The following TMPPE variants were observed in gnomAD, a reference collection of about 807,000 sequenced individuals.
The protein encoded by TMPPE is transmembrane protein with metallophosphoesterase domain.
Under a neutral mutation model 22.6 loss-of-function variants are expected in TMPPE, and 16 were observed. The observed-to-expected ratio is 0.71, with a 90% CI of 0.48 to 1.08. The LOEUF (loss-of-function observed/expected upper bound fraction) is 1.08, where lower values mean the gene tolerates loss of function less well. Ranked by LOEUF, TMPPE falls within the 50% of genes least tolerant of loss-of-function variation. The pLI, the probability that TMPPE is intolerant of heterozygous loss-of-function variation, is 0.00. For missense variants in TMPPE, 526 were observed against 584.3 expected (o/e 0.90, Z 1.03); for synonymous variants, 240 against 245.3 (o/e 0.98, Z 0.20).
In TMPPE at chr3:33,094,269, C is replaced by A; in HGVS notation, c.-74G>T. The A allele has an allele frequency of 6.6e-7, 1 of 1,521,428 alleles. No individual in the cohort carries two copies. 94.2% of individuals were successfully genotyped at this position (1,521,428 alleles called of 1,614,324 possible). A position where few individuals can be genotyped will look rare whatever the true frequency, so the allele number is the denominator to read the frequency against. On this transcript the variant is annotated 5_prime_UTR_variant, in exon 2 of 2. Transcript: ENST00000342462. The stretch of plus-strand genomic sequence containing the variant: ...CTGGAAATGAGTTCCTTAGAAAGGA[C>A]AGTGGCCAAGGAGAGGTTTCCAGGT...
rs1700845554 is a variant in TMPPE at position 33,093,222 on chromosome 3, T to C, written c.974A>G (p.Asp325Gly). 6.2e-7 allele frequency: 1 copy of C among 1,613,934 alleles called. No homozygotes were observed. The highest frequency in any genetic ancestry group is 1.3e-5 in the African/African-American group (1 of 74,878). Residue 325 changes from aspartate (D) to glycine (G), a missense_variant, in exon 2 of 2, where the codon GAT (aspartate) becomes GGT (glycine). By Grantham distance (94) the Asp-to-Gly change is moderately conservative. Coordinates refer to ENST00000342462, the MANE Select transcript of TMPPE (RefSeq NM_001039770.3). The surrounding 1 kb of genome is among the most constrained non-coding windows in gnomAD (Gnocchi z 6.0). ...GGGGSGSGSE[D>G]EDWICLAGVD... ...CCCAGCCAAGCAGATCCAGTCCTCA[T>C]CCTCACTCCCACTGCCACTGCCACC...
Position 33,092,511 on chromosome 3 carries a change from A to AG in TMPPE, c.*322dup, listed in dbSNP as rs895589840. ...GAGGTATGCCTTTCTAGCAACCCCG[A>AG]GGGGAGGTTCATCCCTGGGAGCTCT... On this transcript the variant is annotated 3_prime_UTR_variant, in exon 2 of 2. Transcript: ENST00000342462. The AG allele has an allele frequency of 5.4e-6, 6 of 1,102,440 alleles. No individual in the cohort carries two copies. Among genetic ancestry groups the AG allele is most frequent in the Non-Finnish European group, 6.6e-6 (6 of 903,746 alleles). 68.3% of individuals were successfully genotyped at this position (1,102,440 alleles called of 1,614,324 possible). A position where few individuals can be genotyped will look rare whatever the true frequency, so the allele number is the denominator to read the frequency against.
At position 33,096,791 on chromosome 3, in the gene TMPPE, G is replaced by A. The variant is rs1031048964; in HGVS notation, c.-181C>T. ...AGGGCGGCCGGAGCGGAACGCACAA[G>A]CGACCGAGCTGCCTGGAAGGACGCG... is the stretch of plus-strand genomic sequence containing the variant. On this transcript the variant is annotated 5_prime_UTR_variant, in exon 1 of 2. Coordinates refer to ENST00000342462, the MANE Select transcript of TMPPE (RefSeq NM_001039770.3). The A allele has an allele frequency of 1.5e-6, 2 of 1,344,158 alleles. No individual in the cohort carries two copies. Among genetic ancestry groups the A allele is most frequent in the Non-Finnish European group, 1.9e-6 (2 of 1,052,094 alleles). 83.3% of individuals were successfully genotyped at this position (1,344,158 alleles called of 1,614,324 possible). A position where few individuals can be genotyped will look rare whatever the true frequency, so the allele number is the denominator to read the frequency against.
Position 33,091,616 on chromosome 3 carries a change from GA to G in TMPPE, c.*1217del, listed in dbSNP as rs1700765882. On this transcript the variant is annotated 3_prime_UTR_variant, in exon 2 of 2. Transcript: ENST00000342462. ...GCACAAGGCTTGATGGATCCCTCCT[GA>G]CAAAACAATCTTGAGGTAGATACGA... 2 of 983,910 alleles carry G rather than the reference GA, an allele frequency of 2.0e-6. No homozygotes were observed. Among genetic ancestry groups the G allele is most frequent in the Non-Finnish European group, 2.4e-6 (2 of 828,678 alleles). The allele number at this position is 983,910 out of a possible 1,614,324, so 60.9% of individuals were successfully genotyped here.
In TMPPE at chr3:33,091,052, A is replaced by G. The variant is rs1211576175; in HGVS notation, c.*1782T>C. On this transcript the variant is annotated 3_prime_UTR_variant, in exon 2 of 2. Transcript: ENST00000342462. ...TGAGTCAAACATTACCAGCCGCATCAAACAGTGGAAGTGAAATGGCACCAT... is the reference window on the plus strand; with the variant it reads ...TGAGTCAAACATTACCAGCCGCATCGAACAGTGGAAGTGAAATGGCACCAT... The G allele has an allele frequency of 2.0e-6, 2 of 985,350 alleles. No individual in the cohort carries two copies. Among genetic ancestry groups the G allele is most frequent in the Non-Finnish European group, 2.4e-6 (2 of 829,938 alleles). 61.0% of individuals were successfully genotyped at this position (985,350 alleles called of 1,614,324 possible).
intron 1 of TMPPE, among the ~76,000 whole-genome samples, chr3:33,094,837 G>A (rs1000620624): frequency 6.6e-6 from 1 of 152,138 alleles, no homozygotes; most frequent in African/African-American, 2.4e-5. Flanking sequence ...TAAAATTTGG[G>A]GAGAAATACT....
chr3:33,093,836 G>A lies in TMPPE; in HGVS notation c.360C>T (p.Ser120=). 1 of 1,613,594 alleles carries A rather than the reference G, an allele frequency of 6.2e-7. No individual in the cohort carries two copies. Among genetic ancestry groups the A allele is most frequent in the Admixed American group, 1.7e-5 (1 of 59,916 alleles). ...EPYLFSLAAY[S]CLGAYIIMLF... ...GCATGATGATGTAAGCACCCAGGCA[G>A]GAGTAGGCCGCCAAGGAAAAGAGAT... The change falls in exon 2 of 2, where the codon TCC becomes TCT. Residue 120 remains serine (S), a synonymous_variant. Coordinates refer to ENST00000342462, the MANE Select transcript of TMPPE (RefSeq NM_001039770.3). The surrounding 1 kb of genome is among the most constrained non-coding windows in gnomAD (Gnocchi z 6.0).
Position 33,092,466 on chromosome 3 carries a change from C to T in TMPPE, c.*368G>A, listed in dbSNP as rs1372786922. The T allele has an allele frequency of 4.9e-6, 5 of 1,024,846 alleles. No homozygotes were observed. The highest frequency in any genetic ancestry group is 5.8e-6 in the Non-Finnish European group (5 of 855,468). The allele number at this position is 1,024,846 out of a possible 1,614,324, so 63.5% of individuals were successfully genotyped here. ...ACACCAGGAGAAAAATGCTCCTGCTCCTCCCCGCCCCACCTTCTAGAGGTA... is the reference window on the plus strand; with the variant it reads ...ACACCAGGAGAAAAATGCTCCTGCTTCTCCCCGCCCCACCTTCTAGAGGTA... On this transcript the variant is annotated 3_prime_UTR_variant, in exon 2 of 2. Transcript: ENST00000342462.
chr3:33,091,833 T>A lies in TMPPE; in HGVS notation c.*1001A>T. 1.0e-6 allele frequency: 1 copy of A among 985,422 alleles called. No individual in the cohort carries two copies. 61.0% of individuals were successfully genotyped at this position (985,422 alleles called of 1,614,324 possible). The stretch of plus-strand genomic sequence containing the variant: ...GCAGGAAACCAGCCCAGCCCTGTCT[T>A]CTCAGTGAGGCCTTTTCTAACACGG... On this transcript the variant is annotated 3_prime_UTR_variant, in exon 2 of 2. Transcript: ENST00000342462.
Position 33,093,593 on chromosome 3 carries a change from AG to A in TMPPE, c.602del (p.Pro201LeufsTer4). On this transcript the variant is annotated frameshift_variant, in exon 2 of 2. Transcript: ENST00000342462. LOFTEE classifies it high-confidence loss of function. This position sits in a 1 kb window ranked among gnomAD's most constrained non-coding sequence, Gnocchi z 6.0. ...KTVEVPIHQL[P>X]ASMNNLKIVL... ...CGATCTTGAGGTTGTTCATTGAGGC[AG>A]GCAGCTGATGGATGGGCACCTCCAC... 1 of 1,614,168 alleles carries A rather than the reference AG, an allele frequency of 6.2e-7. No individual in the cohort carries two copies. Among genetic ancestry groups the A allele is most frequent in the Non-Finnish European group, 8.5e-7 (1 of 1,180,010 alleles).
At position 33,092,796 on chromosome 3, in the gene TMPPE, G is replaced by A; in HGVS notation, c.*38C>T. On this transcript the variant is annotated 3_prime_UTR_variant, in exon 2 of 2. Coordinates refer to ENST00000342462, the MANE Select transcript of TMPPE (RefSeq NM_001039770.3). ...CTCTGAAGCAGGATGGAGGGTCGAGGACAAGGGCAGGGCAGAGGTGCACAG... is the reference window on the plus strand; with the variant it reads ...CTCTGAAGCAGGATGGAGGGTCGAGAACAAGGGCAGGGCAGAGGTGCACAG... The A allele has an allele frequency of 6.5e-7, 1 of 1,547,870 alleles. No homozygotes were observed. The highest frequency in any genetic ancestry group is 8.7e-7 in the Non-Finnish European group (1 of 1,146,532).
At chr3:33,094,345 T>C (rs2125587100) in intron 1 of TMPPE, 42 bp from the exon 2 acceptor site, 6 of 1,450,806 alleles carry the variant, frequency 4.1e-6, no homozygotes, top group Non-Finnish European at 5.5e-6. Flanking sequence ...GATATTAGAG[T>C]GTCCTTGTAC....
chr3:33,096,656 C>T, intron 1 of TMPPE, 63 bp downstream of exon 1: 1 of 1,119,822 alleles, frequency 8.9e-7, no homozygotes, highest in Non-Finnish European at 1.1e-6. Context: ...CGGAGGCACC[C>T]TCTAACCCGC....
At chr3:33,095,495 T>C (rs1011012735) in intron 1 of TMPPE, among the ~76,000 whole-genome samples, 3 of 152,112 alleles carry the variant, frequency 2.0e-5, no homozygotes, top group African/African-American at 7.2e-5. Context: ...AGACTGCTGG[T>C]ATCTTTCTTT....
chr3:33,091,437 G>C lies in TMPPE; in HGVS notation c.*1397C>G. Reference sequence around the variant, plus strand: ...TGACACATCACCTGCCCCAGCAGCAGGCAGCTCGCTACCCACTCACATTCC... The same window carrying C: ...TGACACATCACCTGCCCCAGCAGCACGCAGCTCGCTACCCACTCACATTCC... On this transcript the variant is annotated 3_prime_UTR_variant, in exon 2 of 2. Coordinates refer to ENST00000342462, the MANE Select transcript of TMPPE (RefSeq NM_001039770.3). 1 of 985,526 alleles carries C rather than the reference G, an allele frequency of 1.0e-6. No homozygotes were observed. Among genetic ancestry groups the C allele is most frequent in the Non-Finnish European group, 1.2e-6 (1 of 829,998 alleles). 61.0% of individuals were successfully genotyped at this position (985,526 alleles called of 1,614,324 possible). A position where few individuals can be genotyped will look rare whatever the true frequency, so the allele number is the denominator to read the frequency against.
At position 33,093,738 on chromosome 3, in the gene TMPPE, A is replaced by T; in HGVS notation, c.458T>A (p.Val153Glu). Residue 153 changes from valine (V) to glutamate (E), a missense_variant, in exon 2 of 2, where the codon GTG (valine) becomes GAG (glutamate). Val to Glu is a moderately radical substitution (Grantham distance 121). Coordinates refer to ENST00000342462, the MANE Select transcript of TMPPE (RefSeq NM_001039770.3). This position sits in a 1 kb window ranked among gnomAD's most constrained non-coding sequence, Gnocchi z 6.0. The stretch of plus-strand genomic sequence containing the variant: ...CTTCCTTGTCTTCTCAAGGCTGCCC[A>T]CGACCCTACCACTGCGCCAGGCCAA... ...QLLAWRSGRV[V>E]GSLEKTRKLV... is the part of the protein sequence containing the mutation. 3.1e-6 allele frequency: 5 copies of T among 1,613,942 alleles called. No homozygotes were observed. Among genetic ancestry groups the T allele is most frequent in the Non-Finnish European group, 4.2e-6 (5 of 1,179,896 alleles).
rs115554377 is a variant in TMPPE, at chr3:33,097,122, G to C, written c.-512C>G. 2,209 of 1,608,376 alleles carry C rather than the reference G, an allele frequency of 1.4e-3. 39 individuals carry two copies. The African/African-American group carries it at 0.025, about 18-fold the overall frequency. On this transcript the variant is annotated 5_prime_UTR_variant, in exon 1 of 2. Coordinates refer to ENST00000342462, the MANE Select transcript of TMPPE (RefSeq NM_001039770.3). ...TCCCGGCTCTGCAGTCGGCGCCCAGGCCGGCCGCTTCGCGTCACTTGACTA... is the reference window on the plus strand; with the variant it reads ...TCCCGGCTCTGCAGTCGGCGCCCAGCCCGGCCGCTTCGCGTCACTTGACTA...
chr3:33,093,519 A>G lies in TMPPE; in HGVS notation c.677T>C (p.Met226Thr). 1 of 1,614,156 alleles carries G rather than the reference A, an allele frequency of 6.2e-7. No individual in the cohort carries two copies. The highest frequency in any genetic ancestry group is 8.5e-7 in the Non-Finnish European group (1 of 1,180,038). ...ATTCACCATCCTCACAAACATTTCC[A>G]TCTTGGTCCTGCCCACTGTGGGGCC... is the stretch of plus-strand genomic sequence containing the variant. Reference protein sequence around the residue: ...HLGPTVGRTKMEMFVRMVNVL... With the variant: ...HLGPTVGRTKTEMFVRMVNVL... Residue 226 changes from methionine (M) to threonine (T), a missense_variant, in exon 2 of 2, where the codon ATG becomes ACG. Coordinates refer to ENST00000342462, the MANE Select transcript of TMPPE (RefSeq NM_001039770.3). This position sits in a 1 kb window ranked among gnomAD's most constrained non-coding sequence, Gnocchi z 6.0.
Position 33,090,989 on chromosome 3 carries a change from T to C in TMPPE, c.*1845A>G. ...AAGCCCAGGTCACTGATGAGAAAGA[T>C]GTAAAATCAAGAAACCAGTGAAATA... On this transcript the variant is annotated 3_prime_UTR_variant, in exon 2 of 2. Coordinates refer to ENST00000342462, the MANE Select transcript of TMPPE (RefSeq NM_001039770.3). 4 of 985,042 alleles carry C rather than the reference T, an allele frequency of 4.1e-6. No homozygotes were observed. The highest frequency in any genetic ancestry group is 6.2e-5 in the Admixed American group (1 of 16,230). The allele number at this position is 985,042 out of a possible 1,614,324, so 61.0% of individuals were successfully genotyped here.
Sources: gnomAD v4.1 joint callset for allele counts (sites outside exome capture counted in the v4.1 genomes callset) on GRCh38, gnomAD v4.1.1 for gene constraint, Gnocchi (gnomAD v3.1) non-coding constraint, MANE v1.5 for transcripts, NCBI Gene and HGNC (gene_info 2026-07-23, HGNC 2026-07-21) for gene names.